Variants in SEPTIN8 observed in about 807,000 individuals in gnomAD.
SEPTIN8 encodes the protein septin-8.
Under a neutral mutation model 53.1 loss-of-function variants are expected in SEPTIN8, and 22 were observed. The ratio of observed to expected loss-of-function variants is 0.41; its 90% CI spans 0.30 to 0.59. SEPTIN8 has a LOEUF of 0.59. Among genes scored for constraint, SEPTIN8 ranks in the 20% least tolerant of loss-of-function variants. The pLI, the probability that SEPTIN8 is intolerant of heterozygous loss-of-function variation, is 0.24. For synonymous variants in SEPTIN8, 228 were observed against 248.4 expected (o/e 0.92, Z 0.77); for missense variants, 536 against 638.7 (o/e 0.84, Z 1.73).
At chr5:132,759,780 G>A (rs927566034) in intron 9 of SEPTIN8, among the ~76,000 whole-genome samples, 7 of 152,218 alleles carry the variant, frequency 4.6e-5, no homozygotes, top group African/African-American at 1.7e-4. Flanking sequence ...GGAGAAGCAG[G>A]GATGGATGGG....
At position 132,776,977 on chromosome 5, in the gene SEPTIN8, T is replaced by C. The variant is rs557837540; in HGVS notation, c.30+131A>G. On this transcript the variant is annotated intron_variant, in intron 1 of 9. Coordinates refer to ENST00000378719, the MANE Select transcript of SEPTIN8 (RefSeq NM_001098811.2). The surrounding 1 kb of genome is among the most constrained non-coding windows in gnomAD (Gnocchi z 4.4). Reference sequence around the variant, plus strand: ...CGGCCGAGAGCCCGCGCCGGGGTCCTCGAGCTGGCCCGGTGTCGAGGCCCG... The same window carrying C: ...CGGCCGAGAGCCCGCGCCGGGGTCCCCGAGCTGGCCCGGTGTCGAGGCCCG... The C allele has an allele frequency of 5.7e-4, 284 of 494,554 alleles. 1 individual carries two copies. The highest frequency in any genetic ancestry group is 5.4e-3 in the African/African-American group (262 of 48,522). 30.6% of individuals were successfully genotyped at this position (494,554 alleles called of 1,614,324 possible).
chr5:132,760,653 G>C lies in SEPTIN8; in HGVS notation c.1286+149C>G, dbSNP rs1482749660. The C allele has an allele frequency of 6.1e-5, 45 of 735,868 alleles. No individual in the cohort carries two copies. The highest frequency in any genetic ancestry group is 9.7e-5 in the Non-Finnish European group (43 of 441,534). 45.6% of individuals were successfully genotyped at this position (735,868 alleles called of 1,614,324 possible). On this transcript the variant is annotated intron_variant, in intron 9 of 9. Coordinates refer to ENST00000378719, the MANE Select transcript of SEPTIN8 (RefSeq NM_001098811.2). This position sits in a 1 kb window ranked among gnomAD's most constrained non-coding sequence, Gnocchi z 5.2. ...AGAAAAAGGCAACCAAGAAAGCTGG[G>C]GGGAGAGCCACTGAAGATGAGGGAA...
intron 1 of SEPTIN8, among the ~76,000 whole-genome samples, chr5:132,766,841 G>T (rs1423549531): frequency 6.6e-6 from 1 of 152,070 alleles, no homozygotes; most frequent in Admixed American, 6.5e-5. Context: ...GCTGACCTGT[G>T]CCACAGCCCA....
intron 1 of SEPTIN8, 62 bp from the exon 2 acceptor site, chr5:132,765,591 G>A: frequency 1.3e-6 from 2 of 1,521,270 alleles, no homozygotes; most frequent in South Asian, 1.3e-5. Flanking sequence ...AAGCTGCGGG[G>A]TGGGCGCTAA....
chr5:132,757,815 C>T (rs1755482471), intron 9 of SEPTIN8: 1 of 985,326 alleles, frequency 1.0e-6, no homozygotes, highest in Non-Finnish European at 1.2e-6. Context: ...AGCTCCTTTG[C>T]CGCTCATTTT....
At chr5:132,756,269 TAGAA>T (rs1205634917) in intron 9 of SEPTIN8, 1 of 985,214 alleles carries the variant, frequency 1.0e-6, no homozygotes, top group Non-Finnish European at 1.2e-6. Context: ...TACCCACAAC[TAGAA>T]AGAACATATT....
intron 1 of SEPTIN8, 27 bp from the exon 2 acceptor site, chr5:132,765,556 A>C (rs759527202): frequency 1.9e-5 from 29 of 1,558,984 alleles, no homozygotes; most frequent in Non-Finnish European, 2.4e-5. Flanking sequence ...AAAGCAAGAC[A>C]TGAGCCCACT....
At chr5:132,775,297 CAG>C (rs1757686959) in intron 1 of SEPTIN8, among the ~76,000 whole-genome samples, 2 of 152,326 alleles carry the variant, frequency 1.3e-5, no homozygotes, top group East Asian at 1.9e-4. Context: ...GGAAGCTCTA[CAG>C]AGAGTGCCAT....
chr5:132,757,052 C>A, intron 9 of SEPTIN8: 1 of 985,394 alleles, frequency 1.0e-6, no homozygotes, highest in Non-Finnish European at 1.2e-6. Context: ...GCCAGTTTAC[C>A]TTTTTAGATA....
chr5:132,765,957 C>T (rs1307895675), intron 1 of SEPTIN8, among the ~76,000 whole-genome samples: 1 of 152,166 alleles, frequency 6.6e-6, no homozygotes, highest in African/African-American at 2.4e-5. Context: ...GGGATGCTGC[C>T]CCTGCCTAGT....
chr5:132,776,775 C>T lies in SEPTIN8; in HGVS notation c.30+333G>A, dbSNP rs1322522401. On this transcript the variant is annotated intron_variant, in intron 1 of 9. Transcript: ENST00000378719. This position sits in a 1 kb window ranked among gnomAD's most constrained non-coding sequence, Gnocchi z 4.4. ...CCCTGGGCGATAGGGTCCGGAGTGTCCCGGACCCTCACCTGCGGCCCCGCG... is the reference window on the plus strand; with the variant it reads ...CCCTGGGCGATAGGGTCCGGAGTGTTCCGGACCCTCACCTGCGGCCCCGCG... Among the ~76,000 whole-genome samples, 3 of 152,182 alleles carry T rather than the reference C, an allele frequency of 2.0e-5. No homozygotes were observed. Among genetic ancestry groups the T allele is most frequent in the East Asian group, 3.9e-4 (2 of 5,184 alleles).
chr5:132,772,111 A>G (rs528544105), intron 1 of SEPTIN8, among the ~76,000 whole-genome samples: 7 of 152,288 alleles, frequency 4.6e-5, no homozygotes, highest in African/African-American at 7.2e-5. Flanking sequence ...TACTCCACCC[A>G]TCCTGGGAAG....
In SEPTIN8 at chr5:132,773,703, GTCTCCCTCCTCCT is replaced by G. The variant is rs1286023521; in HGVS notation, c.30+3392_30+3404del. The stretch of plus-strand genomic sequence containing the variant: ...ACCCTGGGTTCCCAGGCTCCATCCA[GTCTCCCTCCTCCT>G]TGGCCCTGAGCTTGGTCTCCTCCTT... On this transcript the variant is annotated intron_variant, in intron 1 of 9. Transcript: ENST00000378719. The surrounding 1 kb of genome is among the most constrained non-coding windows in gnomAD (Gnocchi z 4.2). 1.3e-5 allele frequency among the ~76,000 whole-genome samples: 2 copies of G among 152,156 alleles called. No homozygotes were observed. The highest frequency in any genetic ancestry group is 6.5e-5 in the Admixed American group (1 of 15,272).
At position 132,751,153 on chromosome 5, in the gene SEPTIN8, G is replaced by A; in HGVS notation, c.*863C>T. Reference sequence around the variant, plus strand: ...CAAGGCTCATGACATACGGAAGAGTGAAAAGGTATCTTAAATCCAACACAG... The same window carrying A: ...CAAGGCTCATGACATACGGAAGAGTAAAAAGGTATCTTAAATCCAACACAG... On this transcript the variant is annotated 3_prime_UTR_variant, in exon 10 of 10. Coordinates refer to ENST00000378719, the MANE Select transcript of SEPTIN8 (RefSeq NM_001098811.2). 1 of 704,588 alleles carries A rather than the reference G, an allele frequency of 1.4e-6. No homozygotes were observed. Among genetic ancestry groups the A allele is most frequent in the South Asian group, 2.7e-5 (1 of 37,592 alleles). The allele number at this position is 704,588 out of a possible 1,614,324, so 43.6% of individuals were successfully genotyped here. A position where few individuals can be genotyped will look rare whatever the true frequency, so the allele number is the denominator to read the frequency against.
chr5:132,763,949 T>TG lies in SEPTIN8; in HGVS notation c.348-58dup, dbSNP rs1017821876. ...CAGCTGAGATCAGGGGCTTGGGGCTTGGGGGGCTCAGGGCTCGGGGCCAAG... is the reference window on the plus strand; with the variant it reads ...CAGCTGAGATCAGGGGCTTGGGGCTTGGGGGGGCTCAGGGCTCGGGGCCAAG... On this transcript the variant is annotated intron_variant, in intron 3 of 9. Transcript: ENST00000378719. 1.1e-4 allele frequency: 165 copies of TG among 1,476,296 alleles called. No individual in the cohort carries two copies. The African/African-American group carries it at 1.9e-3, about 17-fold the overall frequency. The allele number at this position is 1,476,296 out of a possible 1,614,324, so 91.4% of individuals were successfully genotyped here. A position where few individuals can be genotyped will look rare whatever the true frequency, so the allele number is the denominator to read the frequency against.
At position 132,761,790 on chromosome 5, in the gene SEPTIN8, C is replaced by G. The variant is rs775679206; in HGVS notation, c.793+10G>C. The G allele has an allele frequency of 1.9e-6, 3 of 1,604,508 alleles. No homozygotes were observed. The highest frequency in any genetic ancestry group is 3.4e-5 in the Admixed American group (2 of 58,682). ...TCTACCCCCAGGATGCATTTCCTGT[C>G]CACACTCACCCTGCACCACTCCCCA... On this transcript the variant is annotated intron_variant, in intron 6 of 9. Coordinates refer to ENST00000378719, the MANE Select transcript of SEPTIN8 (RefSeq NM_001098811.2). The surrounding 1 kb of genome is among the most constrained non-coding windows in gnomAD (Gnocchi z 5.8).
intron 9 of SEPTIN8, chr5:132,753,135 G>C: frequency 1.6e-6 from 1 of 623,396 alleles, no homozygotes. Context: ...AAAAATAAAG[G>C]GGAGAGGGGA....
Position 132,777,211 on chromosome 5 carries a change from G to T in SEPTIN8, c.-74C>A. On this transcript the variant is annotated 5_prime_UTR_variant, in exon 1 of 10. Coordinates refer to ENST00000378719, the MANE Select transcript of SEPTIN8 (RefSeq NM_001098811.2). The surrounding 1 kb of genome is among the most constrained non-coding windows in gnomAD (Gnocchi z 4.1). ...GACAGGGACCAGCCGGCTGCGGGAC[G>T]CGCTCCGCCCGGGCGGCTGCGGCTG... 3 of 1,157,112 alleles carry T rather than the reference G, an allele frequency of 2.6e-6. No homozygotes were observed. Among genetic ancestry groups the T allele is most frequent in the Non-Finnish European group, 3.2e-6 (3 of 938,914 alleles). The allele number at this position is 1,157,112 out of a possible 1,614,324, so 71.7% of individuals were successfully genotyped here. A position where few individuals can be genotyped will look rare whatever the true frequency, so the allele number is the denominator to read the frequency against.
Sources: gnomAD v4.1 joint callset for allele counts (sites outside exome capture counted in the v4.1 genomes callset) on GRCh38, gnomAD v4.1.1 for gene constraint, Gnocchi (gnomAD v3.1) non-coding constraint, MANE v1.5 for transcripts, NCBI Gene and HGNC (gene_info 2026-07-23, HGNC 2026-07-21) for gene names.